TMEM215: variants seen among roughly 807,000 people sequenced by gnomAD.
The protein encoded by TMEM215 is transmembrane protein 215.
A neutral mutation model predicts 14.7 loss-of-function variants in TMEM215; 12 were observed. The ratio of observed to expected loss-of-function variants is 0.82; its 90% confidence interval spans 0.52 to 1.33. TMEM215 has a LOEUF of 1.33. Ranked by LOEUF, TMEM215 falls within the 40% of genes most tolerant of loss-of-function variation. TMEM215 has a pLI of 0.00. For synonymous variants in TMEM215, 122 were observed against 124.8 expected, an observed-to-expected ratio of 0.98 and a Z score of 0.15; for missense variants, 276 against 296.2, an observed-to-expected ratio of 0.93 and a Z score of 0.50.
At position 32,784,204 on chromosome 9, in the gene TMEM215, C is replaced by T. The variant is rs757595078; in HGVS notation, c.21C>T (p.Asn7=). MRPDDI[N]PRTGLVVALV... is the part of the protein sequence containing the mutation. ...GAAACATGCGGCCTGATGACATTAA[C>T]CCGAGGACTGGGCTGGTGGTGGCCC... Residue 7 remains asparagine, a synonymous_variant, in exon 2 of 2, where the codon AAC becomes AAT. Transcript: ENST00000342743. 6.2e-7 allele frequency: 1 copy of T among 1,613,488 alleles called. No homozygotes were observed. Among genetic ancestry groups the T allele is most frequent in the South Asian group, 1.1e-5 (1 of 91,002 alleles).
At position 32,784,964 on chromosome 9, in the gene TMEM215, G is replaced by A. The variant is rs1824490102; in HGVS notation, c.*73G>A. ...GCTCCCCGTGGAAGCAAATTGCTCT[G>A]CTTGGAGAGCCTTCACACTGTTAGA... On this transcript the variant is annotated 3_prime_UTR_variant, in exon 2 of 2. Coordinates refer to ENST00000342743, the MANE Select transcript of TMEM215 (RefSeq NM_212558.3). The A allele has an allele frequency of 1.6e-6, 2 of 1,257,832 alleles. No individual in the cohort carries two copies. Among genetic ancestry groups the A allele is most frequent in the South Asian group, 2.7e-5 (2 of 74,044 alleles). The allele number at this position is 1,257,832 out of a possible 1,614,324, so 77.9% of individuals were successfully genotyped here. A position where few individuals can be genotyped will look rare whatever the true frequency, so the allele number is the denominator to read the frequency against.
chr9:32,787,206 T>C lies in TMEM215; in HGVS notation c.*2315T>C, dbSNP rs968692772. ...AACCATTTAAAACTCCTTTATATCA[T>C]TCTGTCTCTTTCCAAATTGAGGGTC... On this transcript the variant is annotated 3_prime_UTR_variant, in exon 2 of 2. Coordinates refer to ENST00000342743, the MANE Select transcript of TMEM215 (RefSeq NM_212558.3). 1 of 166,986 alleles carries C rather than the reference T, an allele frequency of 6.0e-6. No individual in the cohort carries two copies. Among genetic ancestry groups the C allele is most frequent in the African/African-American group, 2.4e-5 (1 of 41,456 alleles). 10.3% of individuals were successfully genotyped at this position (166,986 alleles called of 1,614,324 possible).
Position 32,787,031 on chromosome 9 carries a change from A to G in TMEM215, c.*2140A>G, listed in dbSNP as rs548763239. ...GAAAACTTCCTTTAAGAAGTTTGCC[A>G]CCGTTAGAGATGAGGAGATAGTGAG... is the stretch of plus-strand genomic sequence containing the variant. On this transcript the variant is annotated 3_prime_UTR_variant, in exon 2 of 2. Transcript: ENST00000342743. 67 of 167,086 alleles carry G rather than the reference A, an allele frequency of 4.0e-4. No individual in the cohort carries two copies. The highest frequency in any genetic ancestry group is 1.6e-3 in the African/African-American group (67 of 41,586). The allele number at this position is 167,086 out of a possible 1,614,324, so 10.4% of individuals were successfully genotyped here. A position where few individuals can be genotyped will look rare whatever the true frequency, so the allele number is the denominator to read the frequency against.
chr9:32,786,488 G>C lies in TMEM215; in HGVS notation c.*1597G>C, dbSNP rs1379531110. On this transcript the variant is annotated 3_prime_UTR_variant, in exon 2 of 2. Transcript: ENST00000342743. ...CTTAAATATCAGAAATGAGATGCAT[G>C]ATCTTGGGCAAATTTTATCTTCTTA... The C allele has an allele frequency of 1.8e-5, 3 of 166,870 alleles. No homozygotes were observed. The highest frequency in any genetic ancestry group is 4.8e-5 in the African/African-American group (2 of 41,446). The allele number at this position is 166,870 out of a possible 1,614,324, so 10.3% of individuals were successfully genotyped here.
In TMEM215 at chr9:32,784,839, G is replaced by A; in HGVS notation, c.656G>A (p.Cys219Tyr). 1.9e-6 allele frequency: 3 copies of A among 1,613,296 alleles called. No individual in the cohort carries two copies. The highest frequency in any genetic ancestry group is 1.7e-6 in the Non-Finnish European group (2 of 1,180,042). ...CAGAACAGCCCGTATGACAGATACT[G>A]TTGTTATATCAATCAGATACAAGGC... ...YKQNSPYDRY[C>Y]CYINQIQGRW... Residue 219 changes from cysteine (C) to tyrosine (Y), a missense_variant, in exon 2 of 2, where the codon TGT (cysteine) becomes TAT (tyrosine). Transcript: ENST00000342743.
At position 32,784,761 on chromosome 9, in the gene TMEM215, A is replaced by G; in HGVS notation, c.578A>G (p.Glu193Gly). Residue 193 changes from glutamate (E) to glycine (G), a missense_variant, in exon 2 of 2, where the codon GAG becomes GGG. Coordinates refer to ENST00000342743, the MANE Select transcript of TMEM215 (RefSeq NM_212558.3). ...ARDRSECPEP[E>G]DSIFFVPQDS... Reference sequence around the variant, plus strand: ...GACAGATCTGAGTGCCCTGAGCCTGAGGATAGCATCTTCTTTGTGCCCCAG... The same window carrying G: ...GACAGATCTGAGTGCCCTGAGCCTGGGGATAGCATCTTCTTTGTGCCCCAG... The G allele has an allele frequency of 1.9e-6, 3 of 1,614,028 alleles. No homozygotes were observed. In the South Asian group the frequency reaches 3.3e-5, roughly 18 times the overall value.
At position 32,785,129 on chromosome 9, in the gene TMEM215, T is replaced by C; in HGVS notation, c.*238T>C. 2 of 507,144 alleles carry C rather than the reference T, an allele frequency of 3.9e-6. No individual in the cohort carries two copies. The highest frequency in any genetic ancestry group is 7.2e-6 in the Non-Finnish European group (2 of 278,778). The allele number at this position is 507,144 out of a possible 1,614,324, so 31.4% of individuals were successfully genotyped here. ...GGCAGTGGGTAGGAAAGGAAGCTAC[T>C]CCAGTTGCTTCTTAACAATTTACAC... On this transcript the variant is annotated 3_prime_UTR_variant, in exon 2 of 2. Coordinates refer to ENST00000342743, the MANE Select transcript of TMEM215 (RefSeq NM_212558.3).
Position 32,789,171 on chromosome 9 carries a change from A to G in TMEM215, c.*4280A>G, listed in dbSNP as rs1824538825. On this transcript the variant is annotated 3_prime_UTR_variant, in exon 2 of 2. Transcript: ENST00000342743. ...GGGGACAAATGCTTGGTTTGCCCAA[A>G]TATCTTAATAAAAGACTAGATTCCA... is the stretch of plus-strand genomic sequence containing the variant. Among the ~76,000 whole-genome samples, 1 of 152,204 alleles carries G rather than the reference A, an allele frequency of 6.6e-6. No individual in the cohort carries two copies. Among genetic ancestry groups the G allele is most frequent in the Non-Finnish European group, 1.5e-5 (1 of 68,042 alleles).
At position 32,784,502 on chromosome 9, in the gene TMEM215, A is replaced by G. The variant is rs150127578; in HGVS notation, c.319A>G (p.Ser107Gly). 213 of 1,614,002 alleles carry G rather than the reference A, an allele frequency of 1.3e-4. No homozygotes were observed. The highest frequency in any genetic ancestry group is 3.8e-4 in the Admixed American group (23 of 60,030). ...TPSDLESGKG[S>G]SDELAKKAGL... ...TTCAGACCTAGAATCCGGCAAGGGG[A>G]GCTCAGATGAGCTGGCTAAGAAGGC... Residue 107 changes from serine to glycine, a missense_variant, in exon 2 of 2, where the codon AGC (serine) becomes GGC (glycine). By Grantham distance (56) the Ser-to-Gly change is moderately conservative. Transcript: ENST00000342743.
chr9:32,788,121 T>C lies in TMEM215; in HGVS notation c.*3230T>C, dbSNP rs151337034. ...CTATGGATCTTAATATCCACTGAGA[T>C]GACAAATGTAGGAAAGGAAGATTCA... On this transcript the variant is annotated 3_prime_UTR_variant, in exon 2 of 2. Coordinates refer to ENST00000342743, the MANE Select transcript of TMEM215 (RefSeq NM_212558.3). 6.6e-6 allele frequency among the ~76,000 whole-genome samples: 1 copy of C among 152,322 alleles called. No individual in the cohort carries two copies. Among genetic ancestry groups the C allele is most frequent in the African/African-American group, 2.4e-5 (1 of 41,588 alleles).
intron 1 of TMEM215, 25 bp from the exon 2 acceptor site, chr9:32,784,101 C>T (rs1824471944): frequency 7.5e-7 from 1 of 1,335,514 alleles, no homozygotes; most frequent in South Asian, 1.4e-5. Context: ...TTTTTTTTAA[C>T]GCACTGTGGT....
rs1350015843 is a variant in TMEM215, at chr9:32,788,331, T to A, written c.*3440T>A. Reference sequence around the variant, plus strand: ...ACTATCCTAAAGCAACTACTGTGTTTCTATTTTGGTATATCATCTTCCAGG... The same window carrying A: ...ACTATCCTAAAGCAACTACTGTGTTACTATTTTGGTATATCATCTTCCAGG... On this transcript the variant is annotated 3_prime_UTR_variant, in exon 2 of 2. Coordinates refer to ENST00000342743, the MANE Select transcript of TMEM215 (RefSeq NM_212558.3). Among the ~76,000 whole-genome samples the A allele has an allele frequency of 6.6e-6, 1 of 152,220 alleles. No homozygotes were observed. Among genetic ancestry groups the A allele is most frequent in the Non-Finnish European group, 1.5e-5 (1 of 68,020 alleles).
chr9:32,784,440 C>T lies in TMEM215; in HGVS notation c.257C>T (p.Pro86Leu). The T allele has an allele frequency of 6.2e-7, 1 of 1,614,142 alleles. No homozygotes were observed. Among genetic ancestry groups the T allele is most frequent in the South Asian group, 1.1e-5 (1 of 91,072 alleles). Residue 86 changes from proline to leucine, a missense_variant, in exon 2 of 2, where the codon CCC (proline) becomes CTC (leucine). By Grantham distance (98) the Pro-to-Leu change is moderately conservative (BLOSUM62 -3). Transcript: ENST00000342743. ...WVRKLPCFRK[P>L]KDKEVVELLR... ...CGCAAATTGCCCTGCTTCCGGAAAC[C>T]CAAAGACAAGGAGGTGGTAGAGCTG...
At position 32,784,427 on chromosome 9, in the gene TMEM215, T is replaced by A. The variant is rs773476646; in HGVS notation, c.244T>A (p.Cys82Ser). The change falls in exon 2 of 2, where the codon TGC becomes AGC. Residue 82 changes from cysteine to serine, a missense_variant. Coordinates refer to ENST00000342743, the MANE Select transcript of TMEM215 (RefSeq NM_212558.3). ...GCTGCTGTGGGTCCGCAAATTGCCC[T>A]GCTTCCGGAAACCCAAAGACAAGGA... ...NELLWVRKLP[C>S]FRKPKDKEVV... The A allele has an allele frequency of 1.2e-6, 2 of 1,614,188 alleles. No homozygotes were observed. Among genetic ancestry groups the A allele is most frequent in the Non-Finnish European group, 1.7e-6 (2 of 1,180,022 alleles).
At position 32,788,381 on chromosome 9, in the gene TMEM215, T is replaced by C. The variant is rs1269335582; in HGVS notation, c.*3490T>C. Among the ~76,000 whole-genome samples the C allele has an allele frequency of 6.6e-6, 1 of 152,372 alleles. No individual in the cohort carries two copies. Among genetic ancestry groups the C allele is most frequent in the South Asian group, 2.1e-4 (1 of 4,832 alleles). On this transcript the variant is annotated 3_prime_UTR_variant, in exon 2 of 2. Transcript: ENST00000342743. ...GCTTCCTCCACATGCAAATGCAGCA[T>C]ACATATTATAATAGTGTGTTTTTCT...
chr9:32,785,017 T>A lies in TMEM215; in HGVS notation c.*126T>A. ...TTGACCTGGTATGTGATGGGTGTGA[T>A]AACCTCTGGTACCCGAGAGTCATGT... On this transcript the variant is annotated 3_prime_UTR_variant, in exon 2 of 2. Transcript: ENST00000342743. 1 of 758,048 alleles carries A rather than the reference T, an allele frequency of 1.3e-6. No individual in the cohort carries two copies. Among genetic ancestry groups the A allele is most frequent in the Non-Finnish European group, 2.2e-6 (1 of 458,428 alleles). The allele number at this position is 758,048 out of a possible 1,614,324, so 47.0% of individuals were successfully genotyped here. A position where few individuals can be genotyped will look rare whatever the true frequency, so the allele number is the denominator to read the frequency against.
intron 1 of TMEM215, 60 bp downstream of exon 1, chr9:32,783,865 G>A: frequency 1.3e-5 from 4 of 311,326 alleles, no homozygotes; most frequent in South Asian, 1.3e-4. Flanking sequence ...GGTTGCAATA[G>A]TGAGAGGAAG....
Position 32,789,082 on chromosome 9 carries a change from C to T in TMEM215, c.*4191C>T, listed in dbSNP as rs1824537799. ...ACTGGAATTTCAGGAATCTGATAGA[C>T]TCTGCCCTTGAGTTTTCTGTGTTTC... On this transcript the variant is annotated 3_prime_UTR_variant, in exon 2 of 2. Coordinates refer to ENST00000342743, the MANE Select transcript of TMEM215 (RefSeq NM_212558.3). Among the ~76,000 whole-genome samples the T allele has an allele frequency of 6.6e-6, 1 of 152,180 alleles. No individual in the cohort carries two copies. The highest frequency in any genetic ancestry group is 2.1e-4 in the South Asian group (1 of 4,834).
chr9:32,784,207 G>T lies in TMEM215; in HGVS notation c.24G>T (p.Pro8=). Residue 8 remains proline, a synonymous_variant, in exon 2 of 2, where the codon CCG becomes CCT. Transcript: ENST00000342743. MRPDDIN[P]RTGLVVALVS... ...ACATGCGGCCTGATGACATTAACCC[G>T]AGGACTGGGCTGGTGGTGGCCCTGG... is the stretch of plus-strand genomic sequence containing the variant. The T allele has an allele frequency of 6.2e-7, 1 of 1,613,822 alleles. No individual in the cohort carries two copies. Among genetic ancestry groups the T allele is most frequent in the Non-Finnish European group, 8.5e-7 (1 of 1,179,826 alleles).
Sources: allele counts gnomAD v4.1 joint callset (sites outside exome capture counted in the v4.1 genomes callset), GRCh38; gene constraint gnomAD v4.1.1; transcripts MANE v1.5; gene names NCBI Gene and HGNC (gene_info 2026-07-23, HGNC 2026-07-21).